The following FBXL19 variants were observed in gnomAD, a reference collection of about 807,000 sequenced individuals.
FBXL19 encodes the protein F-box/LRR-repeat protein 19.
In FBXL19, 16 loss-of-function variants were observed where a neutral mutation model predicts 71.2. The ratio of observed to expected loss-of-function variants is 0.22; its 90% CI spans 0.15 to 0.34. The LOEUF (loss-of-function observed/expected upper bound fraction) is 0.34, where lower values mean the gene tolerates loss of function less well. Ranked by LOEUF, FBXL19 falls within the 10% of genes least tolerant of loss-of-function variation. FBXL19 has a pLI of 1.00. For synonymous variants in FBXL19, 447 were observed against 409.4 expected (o/e 1.09, Z -1.11); for missense variants, 658 against 968.2 (o/e 0.68, Z 4.25).
intron 7 of FBXL19, among the ~76,000 whole-genome samples, chr16:30,933,332 T>A (rs2055696083): frequency 6.6e-6 from 1 of 151,750 alleles, no homozygotes; most frequent in Admixed American, 6.6e-5. Context: ...AGAGACGGGG[T>A]TTTGCCATAT....
chr16:30,926,643 C>T (rs2055595401), intron 2 of FBXL19, among the ~76,000 whole-genome samples: 2 of 152,082 alleles, frequency 1.3e-5, no homozygotes, highest in Non-Finnish European at 2.9e-5. Flanking sequence ...TGGTTGGTCT[C>T]TTCACCCCTC....
At chr16:30,940,464 A>G (rs185489742) in intron 7 of FBXL19, among the ~76,000 whole-genome samples, 1 of 151,942 alleles carries the variant, frequency 6.6e-6, no homozygotes, top group Non-Finnish European at 1.5e-5. Context: ...CTTCTGACAC[A>G]GTCTATTGAG....
chr16:30,947,417 G>A lies in FBXL19; in HGVS notation c.*187G>A, dbSNP rs1455059430. 1.7e-6 allele frequency: 1 copy of A among 593,042 alleles called. No homozygotes were observed. The highest frequency in any genetic ancestry group is 3.0e-6 in the Non-Finnish European group (1 of 334,020). 36.7% of individuals were successfully genotyped at this position (593,042 alleles called of 1,614,324 possible). A position where few individuals can be genotyped will look rare whatever the true frequency, so the allele number is the denominator to read the frequency against. On this transcript the variant is annotated 3_prime_UTR_variant, in exon 11 of 11. Transcript: ENST00000338343. ...TTCCCCCCTGCACTGATATCTCTGG[G>A]GGTTTCTCCTTCCTATGTCCTGCCC...
chr16:30,927,639 C>A lies in FBXL19; in HGVS notation c.388C>A (p.Gln130Lys). Residue 130 changes from glutamine (Q) to lysine (K), a missense_variant, in exon 4 of 11, where the codon CAG (glutamine) becomes AAG (lysine). Gln to Lys is a moderately conservative substitution (Grantham distance 53). Transcript: ENST00000338343. ...CTGCTGGGAGTGCCCTCGCTGCACC[C>A]AGGAAGGCCGCACCAGCAAGGTAGG... ...PNCWECPRCT[Q>K]EGRTSKDSGE... The A allele has an allele frequency of 6.4e-7, 1 of 1,565,988 alleles. No homozygotes were observed.
rs1306002722 is a variant in FBXL19 at position 30,948,516 on chromosome 16, G to T, written c.*1286G>T. The T allele has an allele frequency of 6.6e-6, 1 of 152,038 alleles. No individual in the cohort carries two copies. The highest frequency in any genetic ancestry group is 1.5e-5 in the Non-Finnish European group (1 of 68,006). 9.4% of individuals were successfully genotyped at this position (152,038 alleles called of 1,614,324 possible). ...GTCCCGCCCCTCCGCGCAGGCCTCC[G>T]GGGGGCCGGGGCTTACCATGTAGGG... On this transcript the variant is annotated 3_prime_UTR_variant, in exon 11 of 11. Coordinates refer to ENST00000338343, the MANE Select transcript of FBXL19 (RefSeq NM_001382779.1).
At position 30,948,041 on chromosome 16, in the gene FBXL19, G is replaced by T; in HGVS notation, c.*811G>T. The stretch of plus-strand genomic sequence containing the variant: ...CTGTACTGAAGTGTTACTTGAACCG[G>T]GGGAATCTCGGACCTGGGGGAGCCG... On this transcript the variant is annotated 3_prime_UTR_variant, in exon 11 of 11. Transcript: ENST00000338343. The T allele has an allele frequency of 3.5e-6, 1 of 284,150 alleles. No individual in the cohort carries two copies. 17.6% of individuals were successfully genotyped at this position (284,150 alleles called of 1,614,324 possible).
In FBXL19 at chr16:30,946,068, G is replaced by A. The variant is rs183814380; in HGVS notation, c.1628-662G>A. On this transcript the variant is annotated intron_variant, in intron 9 of 10. Transcript: ENST00000338343. This position sits in a 1 kb window ranked among gnomAD's most constrained non-coding sequence, Gnocchi z 6.7. ...GCTCAGGATTCTGCAAGCTGTACAG[G>A]AAGTATCGTGCCTGCGTCTGCTCAG... Among the ~76,000 whole-genome samples the A allele has an allele frequency of 6.6e-6, 1 of 152,236 alleles. No individual in the cohort carries two copies. Among genetic ancestry groups the A allele is most frequent in the Non-Finnish European group, 1.5e-5 (1 of 68,024 alleles).
In FBXL19 at chr16:30,942,451, G is replaced by A. The variant is rs776889236; in HGVS notation, c.1542G>A (p.Leu514=). The change falls in exon 9 of 11, where the codon CTG becomes CTA. Residue 514 remains leucine (L), a synonymous_variant. Transcript: ENST00000338343. The surrounding 1 kb of genome is among the most constrained non-coding windows in gnomAD (Gnocchi z 5.7). ...SALGSAPLPA[L]RLLDLRWIED... is the part of the protein sequence containing the mutation. ...TGGGCTCAGCCCCACTGCCAGCCCT[G>A]CGGCTCCTGGACCTCCGCTGGATCG... 4 of 1,605,874 alleles carry A rather than the reference G, an allele frequency of 2.5e-6. No homozygotes were observed. Among genetic ancestry groups the A allele is most frequent in the Non-Finnish European group, 3.4e-6 (4 of 1,176,586 alleles).
At chr16:30,934,348 G>A (rs1431384224) in intron 7 of FBXL19, among the ~76,000 whole-genome samples, 1 of 151,084 alleles carries the variant, frequency 6.6e-6, no homozygotes, top group Non-Finnish European at 1.5e-5. Flanking sequence ...GGCAGGAAGA[G>A]TGAAACTCCA....
In FBXL19 at chr16:30,947,712, G is replaced by A; in HGVS notation, c.*482G>A. On this transcript the variant is annotated 3_prime_UTR_variant, in exon 11 of 11. Coordinates refer to ENST00000338343, the MANE Select transcript of FBXL19 (RefSeq NM_001382779.1). ...TGGGGCCACAAAAGGAAAACCGGAG[G>A]AGCAATTGGGGATCCAGGTGTCAGA... 1 of 353,560 alleles carries A rather than the reference G, an allele frequency of 2.8e-6. No individual in the cohort carries two copies. The highest frequency in any genetic ancestry group is 3.9e-5 in the Admixed American group (1 of 25,894). 21.9% of individuals were successfully genotyped at this position (353,560 alleles called of 1,614,324 possible).
Position 30,925,945 on chromosome 16 carries a change from C to T in FBXL19, c.177+14C>T. 6.8e-7 allele frequency: 1 copy of T among 1,476,894 alleles called. No individual in the cohort carries two copies. The highest frequency in any genetic ancestry group is 1.4e-5 in the South Asian group (1 of 69,974). The allele number at this position is 1,476,894 out of a possible 1,614,324, so 91.5% of individuals were successfully genotyped here. On this transcript the variant is annotated intron_variant, in intron 2 of 10. Coordinates refer to ENST00000338343, the MANE Select transcript of FBXL19 (RefSeq NM_001382779.1). The surrounding 1 kb of genome is among the most constrained non-coding windows in gnomAD (Gnocchi z 5.0). Reference sequence around the variant, plus strand: ...CAGTGCACTGCCGTGAGTTCTGCCCCCACCTTTGGGCTCTGCCCACCCTTC... The same window carrying T: ...CAGTGCACTGCCGTGAGTTCTGCCCTCACCTTTGGGCTCTGCCCACCCTTC...
chr16:30,927,857 G>A lies in FBXL19; in HGVS notation c.521G>A (p.Arg174Lys). 6.5e-7 allele frequency: 1 copy of A among 1,538,188 alleles called. No individual in the cohort carries two copies. Among genetic ancestry groups the A allele is most frequent in the Non-Finnish European group, 8.7e-7 (1 of 1,143,152 alleles). ...EEPPLPPPPP[R>K]RKGPLPAGPP... ...CCACCGCTTCCACCGCCCCCGCCCA[G>A]GCGCAAGGGCCCCCTGCCTGCCGGG... The change falls in exon 5 of 11, where the codon AGG becomes AAG. Residue 174 changes from arginine to lysine, a missense_variant. Physicochemically the swap from Arg to Lys is conservative, Grantham distance 26. Transcript: ENST00000338343.
rs1596651171 is a variant in FBXL19, at chr16:30,929,925, A to T, written c.790-148A>T. 18 of 994,478 alleles carry T rather than the reference A, an allele frequency of 1.8e-5. 2 individuals are homozygous for T. In the South Asian group the frequency reaches 2.0e-4, roughly 11 times the overall value. 61.6% of individuals were successfully genotyped at this position (994,478 alleles called of 1,614,324 possible). ...AGGCCCAGGGCCTGGCAGTGGCTTTAGCAAGGTCTCTCACTGTCCGGAGCA... is the reference window on the plus strand; with the variant it reads ...AGGCCCAGGGCCTGGCAGTGGCTTTTGCAAGGTCTCTCACTGTCCGGAGCA... On this transcript the variant is annotated intron_variant, in intron 6 of 10. Transcript: ENST00000338343.
chr16:30,945,842 T>A (rs2055852293), intron 9 of FBXL19, among the ~76,000 whole-genome samples: 1 of 96,006 alleles, frequency 1.0e-5, no homozygotes, highest in Non-Finnish European at 1.9e-5. Context: ...CAAGACTCCG[T>A]CTCGGGGAAA....
Position 30,927,676 on chromosome 16 carries a change from G to C in FBXL19, c.408+17G>C. On this transcript the variant is annotated intron_variant, in intron 4 of 10. Coordinates refer to ENST00000338343, the MANE Select transcript of FBXL19 (RefSeq NM_001382779.1). ...ACCAGCAAGGTAGGGGCTGGGCTGG[G>C]CTGAGCTGTGGGTAGGTGGGTGTTG... The C allele has an allele frequency of 3.2e-6, 5 of 1,562,372 alleles. No homozygotes were observed. Among genetic ancestry groups the C allele is most frequent in the Non-Finnish European group, 4.3e-6 (5 of 1,153,488 alleles).
intron 6 of FBXL19, 37 bp downstream of exon 6, chr16:30,928,665 C>T (rs771879119): frequency 4.8e-6 from 7 of 1,472,418 alleles, no homozygotes; most frequent in Middle Eastern, 2.2e-4. Context: ...TTCCCACCTT[C>T]CCTTGCCCCA....
chr16:30,941,003 A>T (rs947870524), intron 7 of FBXL19, among the ~76,000 whole-genome samples: 2 of 151,992 alleles, frequency 1.3e-5, no homozygotes, highest in African/African-American at 4.8e-5. Flanking sequence ...AGGCCTGTGG[A>T]GTGCTCGGGT....
In FBXL19 at chr16:30,930,652, A is replaced by T. The variant is rs1374252380; in HGVS notation, c.1301+68A>T. 7.2e-7 allele frequency: 1 copy of T among 1,393,254 alleles called. No homozygotes were observed. Among genetic ancestry groups the T allele is most frequent in the Non-Finnish European group, 9.3e-7 (1 of 1,076,938 alleles). The allele number at this position is 1,393,254 out of a possible 1,614,324, so 86.3% of individuals were successfully genotyped here. A position where few individuals can be genotyped will look rare whatever the true frequency, so the allele number is the denominator to read the frequency against. ...TCCCGCTTGCTGGGTGACCTGCGGTAGGTCTCTGGCCCTCTCTGGGCCTTG... is the reference window on the plus strand; with the variant it reads ...TCCCGCTTGCTGGGTGACCTGCGGTTGGTCTCTGGCCCTCTCTGGGCCTTG... On this transcript the variant is annotated intron_variant, in intron 7 of 10. Transcript: ENST00000338343. The surrounding 1 kb of genome is among the most constrained non-coding windows in gnomAD (Gnocchi z 8.5).
At chr16:30,932,607 G>A (rs1018777562) in intron 7 of FBXL19, among the ~76,000 whole-genome samples, 11 of 152,166 alleles carry the variant, frequency 7.2e-5, no homozygotes, top group Non-Finnish European at 1.5e-4. Flanking sequence ...CTCATCTGTA[G>A]TCTGGGTTTG....
Sources: gnomAD v4.1 joint callset for allele counts (sites outside exome capture counted in the v4.1 genomes callset) on GRCh38, gnomAD v4.1.1 for gene constraint, Gnocchi (gnomAD v3.1) non-coding constraint, MANE v1.5 for transcripts, NCBI Gene and HGNC (gene_info 2026-07-23, HGNC 2026-07-21) for gene names.